The following RNF175 variants were observed in gnomAD, a reference collection of about 807,000 sequenced individuals.
The protein encoded by RNF175 is ring finger protein 175.
In RNF175, 38 loss-of-function variants were observed where a neutral mutation model predicts 50.0. That is an observed-to-expected ratio of 0.76 (90% confidence interval 0.59 to 1.00). The LOEUF is 1.00. RNF175 is among the 50% of genes least tolerant of loss of function. The pLI is 0.00. For synonymous variants in RNF175, 155 were observed against 146.1 expected, an observed-to-expected ratio of 1.06 and a Z score of -0.44; for missense variants, 388 against 409.6, an observed-to-expected ratio of 0.95 and a Z score of 0.46.
At chr4:153,713,684 T>G (rs1337442776) in intron 7 of RNF175, 1 of 152,268 alleles carries the variant, frequency 6.6e-6, no homozygotes, top group Non-Finnish European at 1.5e-5. Context: ...CTCCTCAGTA[T>G]TAAATTTCAA....
chr4:153,712,634 T>C, intron 7 of RNF175, 58 bp from the exon 8 acceptor site: 1 of 1,083,070 alleles, frequency 9.2e-7, no homozygotes, highest in South Asian at 1.3e-5. Flanking sequence ...TGGTTCATGA[T>C]GGCATGGAAT....
intron 3 of RNF175, among the ~76,000 whole-genome samples, chr4:153,744,237 C>T (rs1438844808): frequency 6.6e-6 from 1 of 152,144 alleles, no homozygotes; most frequent in Non-Finnish European, 1.5e-5. Context: ...GCCTGGCCAA[C>T]ATGGTGAAAC....
In RNF175 at chr4:153,759,804, T is replaced by A; in HGVS notation, c.59A>T (p.Gln20Leu). The change falls in exon 1 of 9, where the codon CAG becomes CTG. Residue 20 changes from glutamine to leucine, a missense_variant. Physicochemically the swap from Gln to Leu is moderately radical, Grantham distance 113. Transcript: ENST00000347063. Reference sequence around the variant, plus strand: ...GCGCCCCCGCGCCAGTACCTGCTCCTGCTGCGGGGGGGCCTCCAGCACCGG... The same window carrying A: ...GCGCCCCCGCGCCAGTACCTGCTCCAGCTGCGGGGGGGCCTCCAGCACCGG... ...AAPVLEAPPQ[Q>L]EQLSHTKLSA... 6.8e-7 allele frequency: 1 copy of A among 1,479,226 alleles called. No individual in the cohort carries two copies. Among genetic ancestry groups the A allele is most frequent in the South Asian group, 1.3e-5 (1 of 77,642 alleles). The allele number at this position is 1,479,226 out of a possible 1,614,324, so 91.6% of individuals were successfully genotyped here.
chr4:153,716,611 AC>A (rs1030131973), intron 6 of RNF175, among the ~76,000 whole-genome samples: 23 of 152,200 alleles, frequency 1.5e-4, no homozygotes, highest in African/African-American at 5.5e-4. Flanking sequence ...AAGAAAAGAT[AC>A]AAAAATATTA....
At position 153,757,386 on chromosome 4, in the gene RNF175, G is replaced by C. The variant is rs1740618885; in HGVS notation, c.66+2411C>G. 2.0e-5 allele frequency among the ~76,000 whole-genome samples: 3 copies of C among 152,112 alleles called. No individual in the cohort carries two copies. The South Asian group carries it at 6.2e-4, about 32-fold the overall frequency. ...GATTGGCTTTCATTATCTCTCACCT[G>C]AACTGCTGCCTCCAAACTGATTTTG... On this transcript the variant is annotated intron_variant, in intron 1 of 8. Coordinates refer to ENST00000347063, the MANE Select transcript of RNF175 (RefSeq NM_173662.4).
In RNF175 at chr4:153,715,655, C is replaced by T. The variant is rs1737868796; in HGVS notation, c.638G>A (p.Ser213Asn). The T allele has an allele frequency of 1.2e-6, 2 of 1,613,682 alleles. No individual in the cohort carries two copies. Among genetic ancestry groups the T allele is most frequent in the Non-Finnish European group, 1.7e-6 (2 of 1,179,726 alleles). ...GCTCCTTGTAGGCAACCGGCTGACA[C>T]TGTAGAACTATCAGAGGAAATGGAC... Reference protein sequence around the residue: ...DYMASTIGFYSVSRLPTRSLS... With the variant: ...DYMASTIGFYNVSRLPTRSLS... The change falls in exon 7 of 9, where the codon AGT becomes AAT. Residue 213 changes from serine to asparagine, a missense_variant. Transcript: ENST00000347063.
intron 3 of RNF175, among the ~76,000 whole-genome samples, chr4:153,745,426 C>G (rs933764401): frequency 1.3e-5 from 2 of 152,208 alleles, no homozygotes; most frequent in Non-Finnish European, 2.9e-5. Context: ...CAGTATGACT[C>G]TCTGGCTCTG....
intron 6 of RNF175, among the ~76,000 whole-genome samples, chr4:153,718,218 G>GTT (rs1560770428): frequency 3.5e-5 from 1 of 28,684 alleles, no homozygotes; most frequent in African/African-American, 6.5e-5. Flanking sequence ...AGTTTTTTTT[G>GTT]TTTGTTTGTT....
chr4:153,734,209 G>A (rs1053322429), intron 3 of RNF175, among the ~76,000 whole-genome samples: 5 of 152,060 alleles, frequency 3.3e-5, no homozygotes, highest in Non-Finnish European at 7.4e-5. Context: ...AATTTAACTG[G>A]GTAAATACCC....
chr4:153,724,122 G>T (rs1308956797), intron 4 of RNF175, among the ~76,000 whole-genome samples: 1 of 152,196 alleles, frequency 6.6e-6, no homozygotes, highest in Non-Finnish European at 1.5e-5. Context: ...TGTTCCCAAA[G>T]GGTCTAAGTG....
At chr4:153,721,252 T>C (rs1738321546) in intron 5 of RNF175, 1 of 152,172 alleles carries the variant, frequency 6.6e-6, no homozygotes, top group Admixed American at 6.5e-5. Flanking sequence ...TTTGGTTTGC[T>C]CTATCTATAA....
In RNF175 at chr4:153,760,022, G is replaced by C. The variant is rs956750447; in HGVS notation, c.-160C>G. 2 of 415,830 alleles carry C rather than the reference G, an allele frequency of 4.8e-6. No homozygotes were observed. Among genetic ancestry groups the C allele is most frequent in the Non-Finnish European group, 8.3e-6 (2 of 240,010 alleles). 25.8% of individuals were successfully genotyped at this position (415,830 alleles called of 1,614,324 possible). A position where few individuals can be genotyped will look rare whatever the true frequency, so the allele number is the denominator to read the frequency against. ...CCTGCCCGGGTTGTGCGGGGCGGGA[G>C]ATGGGAGCCTCCCGGCACGCCCCGC... On this transcript the variant is annotated 5_prime_UTR_variant, in exon 1 of 9. The change creates a new upstream start codon in the 5' untranslated region. Transcript: ENST00000347063.
At chr4:153,721,068 A>G (rs1207309127) in intron 5 of RNF175, among the ~76,000 whole-genome samples, 1 of 152,118 alleles carries the variant, frequency 6.6e-6, no homozygotes. Context: ...ACCATGCCAG[A>G]GTTGCTATGT....
intron 1 of RNF175, among the ~76,000 whole-genome samples, chr4:153,754,788 A>G (rs6535948): frequency 0.97 from 148,391 of 152,242 alleles, 72,437 homozygotes; most frequent in East Asian, 1. Context: ...AGCAGGAACC[A>G]GAGGGATGCA....
chr4:153,753,558 CT>C (rs1230960712), intron 1 of RNF175, among the ~76,000 whole-genome samples: 1 of 144,072 alleles, frequency 6.9e-6, no homozygotes, highest in East Asian at 2.0e-4. Context: ...CTCTCTCTCT[CT>C]CTTTTTTTTT....
At chr4:153,740,176 T>G (rs952529994) in intron 3 of RNF175, among the ~76,000 whole-genome samples, 7 of 151,110 alleles carry the variant, frequency 4.6e-5, no homozygotes, top group African/African-American at 1.7e-4. Context: ...ATTTTTTTTT[T>G]GTTTTATTTT....
intron 5 of RNF175, among the ~76,000 whole-genome samples, chr4:153,721,809 T>C (rs975352771): frequency 5.3e-5 from 8 of 152,232 alleles, no homozygotes; most frequent in Non-Finnish European, 8.8e-5. Context: ...AGTATTTTTA[T>C]GTTCACTAAA....
At chr4:153,717,508 AAC>A (rs920128622) in intron 6 of RNF175, among the ~76,000 whole-genome samples, 1 of 138,270 alleles carries the variant, frequency 7.2e-6, no homozygotes, top group Non-Finnish European at 1.6e-5. Context: ...TGTATATACT[AAC>A]ACACACACAC....
At chr4:153,731,824 A>T (rs1739055369) in intron 3 of RNF175, among the ~76,000 whole-genome samples, 1 of 152,110 alleles carries the variant, frequency 6.6e-6, no homozygotes, top group African/African-American at 2.4e-5. Flanking sequence ...TGGTGGAGGG[A>T]GGGCAGTGGT....
Sources: allele counts gnomAD v4.1 joint callset (sites outside exome capture counted in the v4.1 genomes callset), GRCh38; gene constraint gnomAD v4.1.1; transcripts MANE v1.5; gene names NCBI Gene and HGNC (gene_info 2026-07-23, HGNC 2026-07-21).